CSMD1: variants seen among roughly 807,000 people sequenced by gnomAD.
The protein encoded by CSMD1 is CUB and Sushi multiple domains 1.
A neutral mutation model predicts 417.5 loss-of-function variants in CSMD1; 213 were observed. The observed-to-expected ratio is 0.51, with a 90% CI of 0.46 to 0.57. CSMD1 has a LOEUF of 0.57. Among genes scored for constraint, CSMD1 ranks in the 20% least tolerant of loss-of-function variants. CSMD1 has a pLI of 0.00. For missense variants in CSMD1, 6,923 were observed against 4,529.7 expected (o/e 1.53, Z -15.17); for synonymous variants, 2,862 against 1,736.8 (o/e 1.65, Z -16.11).
At chr8:4,427,302 T>A (rs1797616691) in intron 2 of CSMD1, among the ~76,000 whole-genome samples, 1 of 152,172 alleles carries the variant, frequency 6.6e-6, no homozygotes, top group African/African-American at 2.4e-5. Flanking sequence ...GTCTTGGTAC[T>A]GTTGACAAAA....
At chr8:4,373,933 T>C (rs1377744766) in intron 3 of CSMD1, among the ~76,000 whole-genome samples, 1 of 152,222 alleles carries the variant, frequency 6.6e-6, no homozygotes, top group Non-Finnish European at 1.5e-5. Flanking sequence ...TCTCTATACC[T>C]AGAAGACTTT....
intron 7 of CSMD1, among the ~76,000 whole-genome samples, chr8:3,636,533 C>G (rs1308459624): frequency 6.6e-6 from 1 of 152,162 alleles, no homozygotes; most frequent in African/African-American, 2.4e-5. Flanking sequence ...TTTTACTTAA[C>G]CTACCATCTG....
At chr8:3,597,785 A>C (rs1801163937) in intron 8 of CSMD1, among the ~76,000 whole-genome samples, 1 of 152,084 alleles carries the variant, frequency 6.6e-6, no homozygotes, top group Non-Finnish European at 1.5e-5. Flanking sequence ...GAGTTGAACA[A>C]TGAGAATACA....
chr8:3,642,866 A>T (rs1797374802), intron 7 of CSMD1, among the ~76,000 whole-genome samples: 1 of 151,898 alleles, frequency 6.6e-6, no homozygotes, highest in African/African-American at 2.4e-5. Flanking sequence ...TATATAGATT[A>T]TACATATATA....
chr8:4,040,729 C>T (rs1196804746), intron 3 of CSMD1, among the ~76,000 whole-genome samples: 1 of 152,104 alleles, frequency 6.6e-6, no homozygotes, highest in Non-Finnish European at 1.5e-5. Flanking sequence ...GGAGAGACTG[C>T]AGCAAAGTCA....
At chr8:4,706,751 G>C (rs1044388336) in intron 1 of CSMD1, among the ~76,000 whole-genome samples, 1 of 152,208 alleles carries the variant, frequency 6.6e-6, no homozygotes, top group Non-Finnish European at 1.5e-5. Flanking sequence ...GGGTCAGAGA[G>C]AAGGGCTCTC....
At chr8:3,860,852 T>C (rs960032894) in intron 5 of CSMD1, among the ~76,000 whole-genome samples, 2 of 152,158 alleles carry the variant, frequency 1.3e-5, no homozygotes, top group Non-Finnish European at 2.9e-5. Flanking sequence ...AAATATACAA[T>C]CATGAAAAGA....
intron 4 of CSMD1, among the ~76,000 whole-genome samples, chr8:4,006,141 G>T (rs1307939156): frequency 6.6e-6 from 1 of 152,170 alleles, no homozygotes. Flanking sequence ...ATCAACCACA[G>T]ATGATTTATG....
intron 3 of CSMD1, among the ~76,000 whole-genome samples, chr8:4,138,556 A>G (rs1803580412): frequency 6.6e-6 from 1 of 152,176 alleles, no homozygotes; most frequent in Non-Finnish European, 1.5e-5. Context: ...TTATCTAAGA[A>G]AGAATCCCCT....
At chr8:2,946,531 G>GT (rs1802250839) in intron 68 of CSMD1, among the ~76,000 whole-genome samples, 1 of 152,100 alleles carries the variant, frequency 6.6e-6, no homozygotes, top group Admixed American at 6.6e-5. Context: ...TTGGCATGAC[G>GT]TTTTCAAGGT....
chr8:4,221,872 G>A (rs1801052314), intron 3 of CSMD1, among the ~76,000 whole-genome samples: 1 of 152,110 alleles, frequency 6.6e-6, no homozygotes, highest in Admixed American at 6.5e-5. Context: ...GGATATTAGA[G>A]AATTCTTAGC....
At chr8:3,779,420 C>T (rs1799060358) in intron 5 of CSMD1, among the ~76,000 whole-genome samples, 1 of 152,074 alleles carries the variant, frequency 6.6e-6, no homozygotes, top group East Asian at 1.9e-4. Flanking sequence ...TACGTAGGAG[C>T]ATCAAGAAAG....
intron 33 of CSMD1, among the ~76,000 whole-genome samples, chr8:3,195,814 G>A (rs1037163564): frequency 2.6e-5 from 4 of 152,168 alleles, no homozygotes; most frequent in Non-Finnish European, 4.4e-5. Context: ...TTAAAAGCAA[G>A]AATTGTGTAT....
chr8:3,052,474 G>C lies in CSMD1; in HGVS notation c.7648C>G (p.Pro2550Ala). Residue 2550 changes from proline (P) to alanine (A), a missense_variant, in exon 50 of 70, where the codon CCC becomes GCC. Transcript: ENST00000635120. ...CCTGAACACTTACGCTTACACGTGG[G>C]CGGCTTCCCCTTGTTACTCCACAAC... is the stretch of plus-strand genomic sequence containing the variant. ...DGLWSNKGKP[P>A]TCKPVACPSI... 1 of 1,578,088 alleles carries C rather than the reference G, an allele frequency of 6.3e-7. No individual in the cohort carries two copies. Among genetic ancestry groups the C allele is most frequent in the African/African-American group, 1.3e-5 (1 of 74,370 alleles).
At chr8:3,218,453 C>T (rs1378045562) in intron 29 of CSMD1, among the ~76,000 whole-genome samples, 5 of 149,926 alleles carry the variant, frequency 3.3e-5, no homozygotes, top group Non-Finnish European at 7.4e-5. Flanking sequence ...CCCAGCTACT[C>T]GGGAGGCTGA....
intron 3 of CSMD1, among the ~76,000 whole-genome samples, chr8:4,257,635 G>A (rs761761234): frequency 1.3e-5 from 2 of 152,144 alleles, no homozygotes; most frequent in South Asian, 4.1e-4. Context: ...ACTGTTTCAG[G>A]AAATACATCA....
rs140776391 is a variant in CSMD1, at chr8:3,712,634, C to T, written c.932-4143G>A. Among the ~76,000 whole-genome samples the T allele has an allele frequency of 4.8e-3, 738 of 152,312 alleles. 2 individuals are homozygous for T. Among genetic ancestry groups the T allele is most frequent in the Non-Finnish European group, 6.9e-3 (466 of 68,028 alleles). Reference sequence around the variant, plus strand: ...GCTTTTGTGTCTAATCTCAGACCTGCTAAGTCACAATCTTCGGAGGTGAGC... The same window carrying T: ...GCTTTTGTGTCTAATCTCAGACCTGTTAAGTCACAATCTTCGGAGGTGAGC... On this transcript the variant is annotated intron_variant, in intron 6 of 69. Transcript: ENST00000635120.
At chr8:4,772,276 C>G (rs1057000021) in intron 1 of CSMD1, among the ~76,000 whole-genome samples, 1 of 152,200 alleles carries the variant, frequency 6.6e-6, no homozygotes, top group African/African-American at 2.4e-5. Context: ...CAACAGTGAA[C>G]CAGTCCTTTA....
At chr8:3,659,669 T>G (rs528377326) in intron 7 of CSMD1, among the ~76,000 whole-genome samples, 101 of 152,284 alleles carry the variant, frequency 6.6e-4, no homozygotes, top group Admixed American at 1.4e-3. Context: ...AAAATACTGC[T>G]GTTTCTGTTA....
Sources: gnomAD v4.1 joint callset for allele counts (sites outside exome capture counted in the v4.1 genomes callset) on GRCh38, gnomAD v4.1.1 for gene constraint, MANE v1.5 for transcripts, NCBI Gene and HGNC (gene_info 2026-07-23, HGNC 2026-07-21) for gene names.